GDPD1: variants seen among roughly 807,000 people sequenced by gnomAD.
GDPD1 encodes the protein lysophospholipase D GDPD1.
In GDPD1, 28 loss-of-function variants were observed where a neutral mutation model predicts 45.1. The observed-to-expected ratio is 0.62, with a 90% CI of 0.46 to 0.85. GDPD1 has a LOEUF of 0.85. GDPD1 is among the 40% of genes least tolerant of loss of function. The pLI is 0.00. For missense variants in GDPD1, 256 were observed against 364.8 expected (o/e 0.70, Z 2.43); for synonymous variants, 139 against 131.4 (o/e 1.06, Z -0.40).
intron 9 of GDPD1, chr17:59,273,136 T>TC: frequency 5.1e-6 from 1 of 194,658 alleles, no homozygotes; most frequent in South Asian, 1.9e-4. Flanking sequence ...CTTTTTTCTT[T>TC]TTTTTTTTTG....
chr17:59,227,431 A>T (rs952153168), intron 1 of GDPD1, among the ~76,000 whole-genome samples: 7 of 151,976 alleles, frequency 4.6e-5, no homozygotes, highest in Non-Finnish European at 8.8e-5. Flanking sequence ...AAAAAAAAAA[A>T]TTTAAAACTT....
Position 59,261,913 on chromosome 17 carries a change from C to CTTTTTTTTTTTTT in GDPD1, c.576+4083_576+4095dup, listed in dbSNP as rs58058526. Reference sequence around the variant, plus strand: ...TTTCCCAAAGTGCTGAGATTACAGGCTTTTTTTTTTTTTTTTTTTTTTGAG... The same window carrying CTTTTTTTTTTTTT: ...TTTCCCAAAGTGCTGAGATTACAGGCTTTTTTTTTTTTTTTTTTTTTTTTTTTTTTTTTTTGAG... On this transcript the variant is annotated intron_variant, in intron 6 of 9. Transcript: ENST00000284116. Among the ~76,000 whole-genome samples the CTTTTTTTTTTTTT allele has an allele frequency of 2.1e-4, 17 of 79,332 alleles. 1 individual carries two copies. The highest frequency in any genetic ancestry group is 6.4e-4 in the African/African-American group (10 of 15,694). The allele number at this position is 79,332 out of a possible 152,430, so 52.0% of individuals were successfully genotyped here.
chr17:59,259,003 C>T (rs2047331300), intron 6 of GDPD1, among the ~76,000 whole-genome samples: 1 of 151,100 alleles, frequency 6.6e-6, no homozygotes, highest in Admixed American at 6.6e-5. Flanking sequence ...GCCTGTAACA[C>T]AGCCCTCAGG....
chr17:59,260,958 C>G (rs1302733239), intron 6 of GDPD1: 2 of 152,070 alleles, frequency 1.3e-5, no homozygotes, highest in Non-Finnish European at 2.9e-5. Context: ...ATTGAGATTC[C>G]CACTAAAGCA....
chr17:59,236,068 A>AT (rs2047129783), intron 2 of GDPD1, among the ~76,000 whole-genome samples: 1 of 152,170 alleles, frequency 6.6e-6, no homozygotes, highest in Non-Finnish European at 1.5e-5. Context: ...ACTTTGAGTG[A>AT]TTTTAGCATT....
chr17:59,254,240 AATC>A (rs2047278663), intron 4 of GDPD1, among the ~76,000 whole-genome samples: 1 of 152,062 alleles, frequency 6.6e-6, no homozygotes, highest in Non-Finnish European at 1.5e-5. Flanking sequence ...AGATGCCTGT[AATC>A]CCAGCTACTC....
intron 4 of GDPD1, among the ~76,000 whole-genome samples, chr17:59,254,379 A>G (rs1349536568): frequency 6.6e-6 from 1 of 150,666 alleles, no homozygotes; most frequent in Non-Finnish European, 1.5e-5. Context: ...AAAAAAAAAA[A>G]GAAAAGCCAA....
chr17:59,226,113 C>T (rs1215247502), intron 1 of GDPD1, among the ~76,000 whole-genome samples: 1 of 152,164 alleles, frequency 6.6e-6, no homozygotes, highest in Non-Finnish European at 1.5e-5. Context: ...AGTGAGAGGT[C>T]CTTCAAGCTG....
chr17:59,233,219 A>T (rs1468400490), intron 1 of GDPD1, among the ~76,000 whole-genome samples: 1 of 150,796 alleles, frequency 6.6e-6, no homozygotes, highest in Admixed American at 6.6e-5. Context: ...CTGTCTCAAG[A>T]AAAAACAAAA....
At chr17:59,254,802 T>C (rs2047284015) in intron 4 of GDPD1, among the ~76,000 whole-genome samples, 1 of 152,228 alleles carries the variant, frequency 6.6e-6, no homozygotes, top group African/African-American at 2.4e-5. Context: ...TCATTTGTGT[T>C]AGCTTTGCTT....
chr17:59,242,055 GTTTT>G (rs1568342147), intron 2 of GDPD1, among the ~76,000 whole-genome samples: 1 of 151,756 alleles, frequency 6.6e-6, no homozygotes, highest in Admixed American at 6.6e-5. Flanking sequence ...TATATTCTGG[GTTTT>G]TTTGTTTGTT....
chr17:59,234,911 T>C (rs1169387026), intron 2 of GDPD1, among the ~76,000 whole-genome samples: 2 of 152,036 alleles, frequency 1.3e-5, no homozygotes, highest in African/African-American at 4.8e-5. Context: ...TTGTACCCAG[T>C]AATTTTTGTA....
intron 2 of GDPD1, among the ~76,000 whole-genome samples, chr17:59,235,566 C>T (rs2047125123): frequency 6.6e-6 from 1 of 152,140 alleles, no homozygotes; most frequent in Non-Finnish European, 1.5e-5. Flanking sequence ...AATCTCAACA[C>T]TTTGGGAGGC....
At chr17:59,264,166 T>G (rs2047380867) in intron 6 of GDPD1, among the ~76,000 whole-genome samples, 1 of 151,686 alleles carries the variant, frequency 6.6e-6, no homozygotes. Flanking sequence ...GCCTGGCTAA[T>G]TTTTGTATTT....
Position 59,245,564 on chromosome 17 carries a change from AT to A in GDPD1, c.321+16del. ...TCAAATACTGTGTAAGTAAAAATGC[AT>A]GATAAACTAATATCTAATAGATGTC... On this transcript the variant is annotated intron_variant, in intron 3 of 9. Transcript: ENST00000284116. The A allele has an allele frequency of 6.3e-7, 1 of 1,587,604 alleles. No individual in the cohort carries two copies. Among genetic ancestry groups the A allele is most frequent in the Non-Finnish European group, 8.6e-7 (1 of 1,166,966 alleles).
At chr17:59,223,880 C>A (rs2047025132) in intron 1 of GDPD1, among the ~76,000 whole-genome samples, 1 of 152,146 alleles carries the variant, frequency 6.6e-6, no homozygotes, top group Admixed American at 6.6e-5. Flanking sequence ...CACTGCACTC[C>A]AGCTCAGGCG....
intron 1 of GDPD1, among the ~76,000 whole-genome samples, chr17:59,225,666 C>T (rs1363138902): frequency 6.6e-6 from 1 of 150,876 alleles, no homozygotes; most frequent in Non-Finnish European, 1.5e-5. Flanking sequence ...ACACAAATAC[C>T]CAATTCCTTA....
chr17:59,253,736 G>C (rs908639514), intron 4 of GDPD1, among the ~76,000 whole-genome samples: 1 of 152,036 alleles, frequency 6.6e-6, no homozygotes, highest in African/African-American at 2.4e-5. Context: ...TTCCTTATGA[G>C]CTTCAAGCGT....
At chr17:59,252,084 C>T (rs2047259302) in intron 4 of GDPD1, among the ~76,000 whole-genome samples, 1 of 149,360 alleles carries the variant, frequency 6.7e-6, no homozygotes, top group Admixed American at 6.7e-5. Flanking sequence ...TATCCTATTC[C>T]CTTGCATAGA....
Sources: gnomAD v4.1 joint callset for allele counts (sites outside exome capture counted in the v4.1 genomes callset) on GRCh38, gnomAD v4.1.1 for gene constraint, MANE v1.5 for transcripts, NCBI Gene and HGNC (gene_info 2026-07-23, HGNC 2026-07-21) for gene names.